Variants in PSD3 observed in about 807,000 individuals in gnomAD.
PSD3 encodes pleckstrin and Sec7 domain containing 3, also known as PH and SEC7 domain-containing protein 3.
PSD3 carries 49 observed loss-of-function variants against 105.5 expected under a neutral mutation model. That is an observed-to-expected ratio of 0.46 (90% CI 0.37 to 0.59). The LOEUF (loss-of-function observed/expected upper bound fraction) is 0.59, where lower values mean the gene tolerates loss of function less well. Among genes scored for constraint, PSD3 ranks in the 20% least tolerant of loss-of-function variants. The pLI is 0.00. For synonymous variants in PSD3, 557 were observed against 457.8 expected (o/e 1.22, Z -2.77); for missense variants, 1,561 against 1,263.8 (o/e 1.24, Z -3.57).
chr8:18,804,061 T>C (rs1433871517), intron 6 of PSD3, among the ~76,000 whole-genome samples: 4 of 152,222 alleles, frequency 2.6e-5, no homozygotes, highest in African/African-American at 9.6e-5. Context: ...CCAGTAGGTG[T>C]AGACTATCAA....
At chr8:18,846,620 G>A (rs1188503056) in intron 4 of PSD3, among the ~76,000 whole-genome samples, 1 of 152,116 alleles carries the variant, frequency 6.6e-6, no homozygotes, top group Non-Finnish European at 1.5e-5. Context: ...CTGACCAAAA[G>A]TAACAATCAA....
intron 1 of PSD3, among the ~76,000 whole-genome samples, chr8:19,076,054 T>C (rs6586804): frequency 0.96 from 145,908 of 152,224 alleles, 70,269 homozygotes; most frequent in East Asian, 1. Context: ...CAGCCAGAAG[T>C]GGCTCACGAA....
At chr8:18,866,012 C>A (rs561508558) in intron 4 of PSD3, among the ~76,000 whole-genome samples, 1 of 152,312 alleles carries the variant, frequency 6.6e-6, no homozygotes, top group African/African-American at 2.4e-5. Context: ...CTCTCGGCTT[C>A]ACTTACAACC....
chr8:18,604,025 A>G (rs902875716), intron 11 of PSD3, among the ~76,000 whole-genome samples: 4 of 152,216 alleles, frequency 2.6e-5, no homozygotes, highest in Admixed American at 2.6e-4. Context: ...GAAAATTGGT[A>G]CTGTCAAGTG....
chr8:18,742,785 G>A (rs1200305467), intron 9 of PSD3, among the ~76,000 whole-genome samples: 1 of 152,072 alleles, frequency 6.6e-6, no homozygotes, highest in African/African-American at 2.4e-5. Context: ...GAAGCCATTT[G>A]GTTTATTTTT....
chr8:19,024,639 G>C (rs1339404873), intron 1 of PSD3, among the ~76,000 whole-genome samples: 1 of 152,122 alleles, frequency 6.6e-6, no homozygotes, highest in Non-Finnish European at 1.5e-5. Flanking sequence ...GGATGGAGTT[G>C]GTTATCAGAA....
chr8:18,944,906 C>A (rs1822767810), intron 1 of PSD3, among the ~76,000 whole-genome samples: 1 of 152,160 alleles, frequency 6.6e-6, no homozygotes, highest in African/African-American at 2.4e-5. Context: ...TTCCATGCTT[C>A]TCTTATATTT....
At chr8:18,827,863 T>C (rs1227403634) in intron 4 of PSD3, among the ~76,000 whole-genome samples, 1 of 150,360 alleles carries the variant, frequency 6.7e-6, no homozygotes, top group Non-Finnish European at 1.5e-5. Flanking sequence ...TGGTGAATCA[T>C]AGTGCCTTTA....
chr8:18,572,822 T>A, intron 13 of PSD3, 150 bp from the exon 14 acceptor site: 1 of 858,582 alleles, frequency 1.2e-6, no homozygotes, highest in Non-Finnish European at 1.8e-6. Context: ...TCATTAGAGA[T>A]GAACATTGTC....
intron 9 of PSD3, among the ~76,000 whole-genome samples, chr8:18,684,653 G>A (rs1187599272): frequency 1.3e-5 from 2 of 152,156 alleles, no homozygotes; most frequent in Non-Finnish European, 2.9e-5. Context: ...GACTACGACA[G>A]CCAGATATTT....
At chr8:18,603,277 T>A (rs1483112976) in intron 11 of PSD3, among the ~76,000 whole-genome samples, 1 of 152,190 alleles carries the variant, frequency 6.6e-6, no homozygotes, top group African/African-American at 2.4e-5. Context: ...TAACCTTACT[T>A]TGGCTTTTCT....
chr8:18,774,949 C>T (rs530411978), intron 8 of PSD3: 5 of 456,178 alleles, frequency 1.1e-5, no homozygotes, highest in African/African-American at 6.0e-5. Flanking sequence ...CTGCCAAATG[C>T]CCCGAGGGAA....
chr8:18,559,958 C>A (rs1054908820), intron 14 of PSD3, among the ~76,000 whole-genome samples: 1 of 152,276 alleles, frequency 6.6e-6, no homozygotes, highest in South Asian at 2.1e-4. Flanking sequence ...CGAGGAAGTG[C>A]TGATGTTCAA....
intron 2 of PSD3, among the ~76,000 whole-genome samples, chr8:18,900,452 G>A (rs762277616): frequency 3.9e-5 from 6 of 152,072 alleles, no homozygotes; most frequent in Non-Finnish European, 7.4e-5. Context: ...GGTGACCACA[G>A]CTGCAGACCT....
chr8:18,909,047 C>A (rs1382014031), intron 2 of PSD3, among the ~76,000 whole-genome samples: 2 of 152,170 alleles, frequency 1.3e-5, no homozygotes, highest in Non-Finnish European at 2.9e-5. Flanking sequence ...TTTACTATGA[C>A]AAAGTTCACT....
At chr8:18,791,205 T>C (rs1809689466) in intron 8 of PSD3, among the ~76,000 whole-genome samples, 1 of 152,162 alleles carries the variant, frequency 6.6e-6, no homozygotes, top group Non-Finnish European at 1.5e-5. Flanking sequence ...ATTGACCTTC[T>C]TCATTTAATT....
At chr8:19,052,142 G>T (rs571631100) in intron 1 of PSD3, among the ~76,000 whole-genome samples, 39 of 152,278 alleles carry the variant, frequency 2.6e-4, no homozygotes, top group African/African-American at 8.9e-4. Flanking sequence ...GTCCAGAAAA[G>T]CCACTGTGGT....
intron 11 of PSD3, among the ~76,000 whole-genome samples, chr8:18,602,054 A>G (rs560249812): frequency 1.8e-4 from 28 of 152,216 alleles, no homozygotes; most frequent in Non-Finnish European, 4.1e-4. Flanking sequence ...CCTAGAACTG[A>G]AGGCAAAGCA....
At chr8:19,033,297 C>T (rs1451376490) in intron 1 of PSD3, among the ~76,000 whole-genome samples, 14 of 151,966 alleles carry the variant, frequency 9.2e-5, no homozygotes, top group Admixed American at 7.2e-4. Context: ...GTGCACATAC[C>T]GGACATACTA....
Sources: gnomAD v4.1 joint callset for allele counts (sites outside exome capture counted in the v4.1 genomes callset) on GRCh38, gnomAD v4.1.1 for gene constraint, MANE v1.5 for transcripts, NCBI Gene and HGNC (gene_info 2026-07-23, HGNC 2026-07-21) for gene names.